Variants in OSBPL8 observed in about 807,000 individuals in gnomAD.
OSBPL8 encodes the protein oxysterol-binding protein-related protein 8.
OSBPL8 carries 59 observed loss-of-function variants against 125.5 expected under a neutral mutation model. The ratio of observed to expected loss-of-function variants is 0.47; its 90% CI spans 0.38 to 0.58. The LOEUF (loss-of-function observed/expected upper bound fraction) is 0.58, where lower values mean the gene tolerates loss of function less well. OSBPL8 is among the 20% of genes least tolerant of loss of function. OSBPL8 has a pLI of 0.00. For synonymous variants in OSBPL8, 330 were observed against 338.9 expected (o/e 0.97, Z 0.29); for missense variants, 758 against 1,047.8 (o/e 0.72, Z 3.82).
intron 15 of OSBPL8, 69 bp from the exon 16 acceptor site, chr12:76,378,619 T>C: frequency 9.4e-7 from 1 of 1,068,396 alleles, no homozygotes; most frequent in Non-Finnish European, 1.4e-6. Flanking sequence ...ACAAAATATA[T>C]TTAGAACACC....
intron 1 of OSBPL8, among the ~76,000 whole-genome samples, chr12:76,552,981 C>T (rs1378601977): frequency 6.6e-6 from 1 of 152,172 alleles, no homozygotes; most frequent in East Asian, 1.9e-4. Flanking sequence ...AATTGCTGAT[C>T]TTACAAGTTA....
At chr12:76,541,929 T>C (rs775646707) in intron 1 of OSBPL8, among the ~76,000 whole-genome samples, 59 of 152,162 alleles carry the variant, frequency 3.9e-4, no homozygotes, top group Non-Finnish European at 6.8e-4. Flanking sequence ...CCCAGCACTT[T>C]GGGAGGCCAA....
chr12:76,390,085 A>G (rs555765134), intron 11 of OSBPL8: 41 of 405,066 alleles, frequency 1.0e-4, no homozygotes, highest in African/African-American at 6.8e-4. Flanking sequence ...TTTATACTAC[A>G]TTTACTTCTA....
intron 1 of OSBPL8, among the ~76,000 whole-genome samples, chr12:76,539,761 C>T (rs1468913597): frequency 2.0e-5 from 3 of 152,174 alleles, no homozygotes; most frequent in Non-Finnish European, 2.9e-5. Flanking sequence ...CCTAGTGCTC[C>T]GGCTTTTCTA....
chr12:76,429,006 T>C (rs1870494730), intron 4 of OSBPL8, among the ~76,000 whole-genome samples: 1 of 152,120 alleles, frequency 6.6e-6, no homozygotes, highest in African/African-American at 2.4e-5. Flanking sequence ...TTAGCTGTAG[T>C]TAGCAAAATC....
intron 1 of OSBPL8, among the ~76,000 whole-genome samples, chr12:76,503,082 A>G (rs1329725821): frequency 1.3e-5 from 2 of 152,222 alleles, no homozygotes; most frequent in Non-Finnish European, 2.9e-5. Flanking sequence ...CATTTTACGC[A>G]AGACAGTTGT....
intron 18 of OSBPL8, among the ~76,000 whole-genome samples, chr12:76,372,036 T>C (rs1022375362): frequency 6.6e-6 from 1 of 152,218 alleles, no homozygotes; most frequent in African/African-American, 2.4e-5. Flanking sequence ...TCTATCTCTA[T>C]CGAATAATCT....
In OSBPL8 at chr12:76,356,738, C is replaced by A. The variant is rs748037598; in HGVS notation, c.2435-10G>T. The A allele has an allele frequency of 2.0e-6, 3 of 1,532,938 alleles. No individual in the cohort carries two copies. In the South Asian group the frequency reaches 3.5e-5, roughly 18 times the overall value. 95.0% of individuals were successfully genotyped at this position (1,532,938 alleles called of 1,614,324 possible). A position where few individuals can be genotyped will look rare whatever the true frequency, so the allele number is the denominator to read the frequency against. ...GGTTTTACTGATTGAGCTAAAAAGA[C>A]ATTTAGAATGAAGTTGAAACTATAA... On this transcript the variant is annotated splice_polypyrimidine_tract_variant and intron_variant, in intron 22 of 23. Coordinates refer to ENST00000261183, the MANE Select transcript of OSBPL8 (RefSeq NM_020841.5).
At chr12:76,497,937 C>T (rs1338311629) in intron 1 of OSBPL8, among the ~76,000 whole-genome samples, 1 of 152,124 alleles carries the variant, frequency 6.6e-6, no homozygotes, top group Admixed American at 6.5e-5. Context: ...TTTTGTTGAA[C>T]ACTTTCAACA....
chr12:76,360,569 G>A (rs145165587), intron 21 of OSBPL8, among the ~76,000 whole-genome samples: 1 of 152,240 alleles, frequency 6.6e-6, no homozygotes, highest in South Asian at 2.1e-4. Flanking sequence ...TAGGGACTCT[G>A]TGGGGGGCTC....
chr12:76,499,347 T>TATCTATCTATCTATCA (rs1555231530), intron 1 of OSBPL8, among the ~76,000 whole-genome samples: 2 of 107,752 alleles, frequency 1.9e-5, no homozygotes, highest in South Asian at 2.8e-4. Context: ...TCTATCTATC[T>TATCTATCTATCTATCA]ATCATCTATC....
At chr12:76,517,881 C>G (rs1339777912) in intron 1 of OSBPL8, among the ~76,000 whole-genome samples, 1 of 152,148 alleles carries the variant, frequency 6.6e-6, no homozygotes, top group Non-Finnish European at 1.5e-5. Flanking sequence ...CTCTCATTAC[C>G]TAGGAGTGAT....
chr12:76,476,482 T>C (rs1221996286), intron 2 of OSBPL8, among the ~76,000 whole-genome samples: 1 of 151,968 alleles, frequency 6.6e-6, no homozygotes, highest in Non-Finnish European at 1.5e-5. Context: ...ATACTGGGTA[T>C]AAAAATATTA....
chr12:76,494,192 T>C (rs554154296), intron 1 of OSBPL8, among the ~76,000 whole-genome samples: 23 of 152,302 alleles, frequency 1.5e-4, no homozygotes, highest in African/African-American at 5.3e-4. Context: ...CCTTTGGTGG[T>C]GTTATGTTTT....
At chr12:76,453,867 C>A (rs763606980) in intron 3 of OSBPL8, among the ~76,000 whole-genome samples, 26 of 151,940 alleles carry the variant, frequency 1.7e-4, no homozygotes, top group African/African-American at 5.5e-4. Flanking sequence ...AAAAGAACAT[C>A]ATAATAGCAA....
intron 1 of OSBPL8, among the ~76,000 whole-genome samples, chr12:76,528,731 T>C (rs1014499984): frequency 1.3e-5 from 2 of 151,972 alleles, no homozygotes; most frequent in Non-Finnish European, 2.9e-5. Flanking sequence ...TAGCTATAGC[T>C]ACAGACAGCT....
intron 7 of OSBPL8, among the ~76,000 whole-genome samples, 185 bp from the exon 8 acceptor site, chr12:76,398,082 A>C (rs1175487353): frequency 1.3e-5 from 2 of 152,226 alleles, no homozygotes; most frequent in Non-Finnish European, 2.9e-5. Context: ...CTTATTTCTA[A>C]GAAACTTAAA....
At chr12:76,502,940 C>A (rs1212279359) in intron 1 of OSBPL8, among the ~76,000 whole-genome samples, 1 of 152,158 alleles carries the variant, frequency 6.6e-6, no homozygotes, top group Non-Finnish European at 1.5e-5. Flanking sequence ...ATTGCTTTAT[C>A]ATATAAGATA....
chr12:76,529,142 G>T (rs1950265635), intron 1 of OSBPL8, among the ~76,000 whole-genome samples: 1 of 151,972 alleles, frequency 6.6e-6, no homozygotes, highest in Non-Finnish European at 1.5e-5. Context: ...ATTCTAAGCT[G>T]TTTCTTATAC....
Sources: gnomAD v4.1 joint callset for allele counts (sites outside exome capture counted in the v4.1 genomes callset) on GRCh38, gnomAD v4.1.1 for gene constraint, MANE v1.5 for transcripts, NCBI Gene and HGNC (gene_info 2026-07-23, HGNC 2026-07-21) for gene names.